Variants in ERO1A observed in about 807,000 individuals in gnomAD.
ERO1A encodes endoplasmic reticulum oxidoreductase 1 alpha.
Under a neutral mutation model 76.9 loss-of-function variants are expected in ERO1A, and 49 were observed. The ratio of observed to expected loss-of-function variants is 0.64; its 90% CI spans 0.51 to 0.81. The LOEUF is 0.81. Ranked by LOEUF, ERO1A falls within the 30% of genes least tolerant of loss-of-function variation. ERO1A has a pLI of 0.00. For synonymous variants in ERO1A, 174 were observed against 181.2 expected, an observed-to-expected ratio of 0.96 and a Z score of 0.32; for missense variants, 448 against 542.1, an observed-to-expected ratio of 0.83 and a Z score of 1.72.
chr14:52,662,278 G>C lies in ERO1A; in HGVS notation c.677-974C>G, dbSNP rs533912552. On this transcript the variant is annotated intron_variant, in intron 8 of 15. Transcript: ENST00000395686. ...ATGATCACCTCTTTTCTATTAATTT[G>C]CATTTCATCTGATATTAAATCAATG... Among the ~76,000 whole-genome samples, 84 of 152,006 alleles carry C rather than the reference G, an allele frequency of 5.5e-4. 1 individual carries two copies. The highest frequency in any genetic ancestry group is 3.4e-3 in the Middle Eastern group (1 of 294).
Position 52,682,906 on chromosome 14 carries a change from G to GA in ERO1A, c.235-499dup, listed in dbSNP as rs1013870540. On this transcript the variant is annotated intron_variant, in intron 2 of 15. Transcript: ENST00000395686. ...AAGAGCAAGACTTTGTCTCAAAAAAGAAAAAAAAGACACAGATTGGGCTGG... is the reference window on the plus strand; with the variant it reads ...AAGAGCAAGACTTTGTCTCAAAAAAGAAAAAAAAAGACACAGATTGGGCTGG... 8.6e-4 allele frequency among the ~76,000 whole-genome samples: 129 copies of GA among 150,090 alleles called. 1 individual carries two copies. Among genetic ancestry groups the GA allele is most frequent in the African/African-American group, 3.0e-3 (124 of 40,794 alleles).
intron 15 of ERO1A, among the ~76,000 whole-genome samples, chr14:52,644,721 AAAGAGT>A (rs1489508509): frequency 3.3e-5 from 5 of 152,270 alleles, no homozygotes; most frequent in East Asian, 1.9e-4. Context: ...ATTGGCCTAT[AAAGAGT>A]AAGAGTATTA....
At position 52,647,395 on chromosome 14, in the gene ERO1A, T is replaced by C. The variant is rs181272891; in HGVS notation, c.1126-934A>G. Among the ~76,000 whole-genome samples, 186 of 151,948 alleles carry C rather than the reference T, an allele frequency of 1.2e-3. 1 individual carries two copies. Among genetic ancestry groups the C allele is most frequent in the African/African-American group, 4.2e-3 (173 of 41,444 alleles). ...TTTGTTAATATTAAATTACTATTAC[T>C]ATTAAAATGCAAAAATATATAAAAT... On this transcript the variant is annotated intron_variant, in intron 13 of 15. Transcript: ENST00000395686.
intron 13 of ERO1A, 81 bp downstream of exon 13, chr14:52,652,158 C>T: frequency 1.1e-6 from 1 of 875,650 alleles, no homozygotes; most frequent in East Asian, 2.5e-5. Flanking sequence ...GGCCTACTCT[C>T]TACTTCTATG....
intron 7 of ERO1A, among the ~76,000 whole-genome samples, chr14:52,665,160 G>A (rs549824831): frequency 8.6e-5 from 13 of 151,872 alleles, no homozygotes; most frequent in African/African-American, 2.9e-4. Flanking sequence ...AAATGAGCCG[G>A]GTGTGGTGGC....
At chr14:52,656,517 C>T (rs1039434814) in intron 11 of ERO1A, among the ~76,000 whole-genome samples, 11 of 152,108 alleles carry the variant, frequency 7.2e-5, no homozygotes, top group African/African-American at 2.7e-4. Flanking sequence ...TCGAGACCAG[C>T]CTGGCCAACA....
At chr14:52,648,651 C>A (rs951471747) in intron 13 of ERO1A, among the ~76,000 whole-genome samples, 1 of 152,102 alleles carries the variant, frequency 6.6e-6, no homozygotes, top group Non-Finnish European at 1.5e-5. Flanking sequence ...TGAGAAGAGG[C>A]CTTGAAAGTT....
At chr14:52,678,681 T>C (rs1166487867) in intron 3 of ERO1A, among the ~76,000 whole-genome samples, 1 of 152,260 alleles carries the variant, frequency 6.6e-6, no homozygotes, top group Admixed American at 6.5e-5. Context: ...ATACATTATG[T>C]ATATTACAGC....
At chr14:52,678,094 C>G (rs1459147615) in intron 4 of ERO1A, among the ~76,000 whole-genome samples, 2 of 151,954 alleles carry the variant, frequency 1.3e-5, no homozygotes, top group East Asian at 3.9e-4. Context: ...GGAGAAAACC[C>G]GTCTCTACTA....
chr14:52,640,194 C>G lies in ERO1A; in HGVS notation c.*3376G>C, dbSNP rs2039425910. The G allele has an allele frequency of 6.6e-6, 1 of 152,152 alleles. No individual in the cohort carries two copies. The highest frequency in any genetic ancestry group is 1.5e-5 in the Non-Finnish European group (1 of 68,038). 9.4% of individuals were successfully genotyped at this position (152,152 alleles called of 1,614,324 possible). A position where few individuals can be genotyped will look rare whatever the true frequency, so the allele number is the denominator to read the frequency against. On this transcript the variant is annotated 3_prime_UTR_variant, in exon 16 of 16. Transcript: ENST00000395686. ...AAGACTTTTGAAAAATAAAACAATACAGTACGATTTAAGTGACATACAATA... is the reference window on the plus strand; with the variant it reads ...AAGACTTTTGAAAAATAAAACAATAGAGTACGATTTAAGTGACATACAATA...
intron 1 of ERO1A, among the ~76,000 whole-genome samples, chr14:52,694,760 G>A (rs1447106182): frequency 1.3e-5 from 2 of 152,142 alleles, no homozygotes; most frequent in Non-Finnish European, 2.9e-5. Context: ...ATTCGTACCA[G>A]CTTAACGGGT....
intron 9 of ERO1A, among the ~76,000 whole-genome samples, chr14:52,660,238 G>C (rs1157766481): frequency 5.3e-5 from 8 of 152,172 alleles, no homozygotes; most frequent in African/African-American, 1.4e-4. Flanking sequence ...ATAACCCTTT[G>C]ATATTTGGCC....
chr14:52,663,369 G>A (rs892163209), intron 8 of ERO1A, among the ~76,000 whole-genome samples: 1 of 152,064 alleles, frequency 6.6e-6, no homozygotes, highest in Non-Finnish European at 1.5e-5. Context: ...GGAGGCCGAG[G>A]CGGGTGGATC....
In ERO1A at chr14:52,646,165, G is replaced by A. The variant is rs575530217; in HGVS notation, c.1335C>T (p.Asn445=). 176 of 1,610,704 alleles carry A rather than the reference G, an allele frequency of 1.1e-4. No homozygotes were observed. The South Asian group carries it at 1.4e-3, about 13-fold the overall frequency. ...ACATTCAAACTAACCTTCCAAATGCGTTGAATAATGATACTATTTCTTGTC... is the reference window on the plus strand; with the variant it reads ...ACATTCAAACTAACCTTCCAAATGCATTGAATAATGATACTATTTCTTGTC... ...LTRQEIVSLF[N]AFGRISTSVK... The change falls in exon 15 of 16, where the codon AAC becomes AAT. Residue 445 remains asparagine, a synonymous_variant. Coordinates refer to ENST00000395686, the MANE Select transcript of ERO1A (RefSeq NM_014584.3).
rs75943691 is a variant in ERO1A, at chr14:52,653,712, C to T, written c.809-397G>A. ...ACACTTTTAGTTACTTTAAAATGTA[C>T]AATTAAGTTGCTATTGATTATAGGG... On this transcript the variant is annotated intron_variant, in intron 11 of 15. Coordinates refer to ENST00000395686, the MANE Select transcript of ERO1A (RefSeq NM_014584.3). 4.2e-3 allele frequency among the ~76,000 whole-genome samples: 645 copies of T among 151,812 alleles called. 10 individuals carry two copies. Among genetic ancestry groups the T allele is most frequent in the Admixed American group, 0.035 (533 of 15,262 alleles).
intron 5 of ERO1A, 34 bp from the exon 6 acceptor site, chr14:52,671,737 TTTAAG>T (rs1286102331): frequency 1.3e-6 from 2 of 1,580,686 alleles, no homozygotes; most frequent in African/African-American, 2.7e-5. Flanking sequence ...CATTATTATT[TTTAAG>T]TTAATATGTA....
intron 7 of ERO1A, among the ~76,000 whole-genome samples, chr14:52,664,359 G>C: frequency 6.6e-6 from 1 of 152,060 alleles, no homozygotes. Context: ...AAAGTTGTTT[G>C]TTCAGTAGGA....
intron 8 of ERO1A, among the ~76,000 whole-genome samples, chr14:52,662,104 C>G (rs2040252031): frequency 6.6e-6 from 1 of 152,066 alleles, no homozygotes. Context: ...TAAAAATTTA[C>G]AGCAATATTT....
chr14:52,658,899 G>T (rs1262171949), intron 9 of ERO1A, among the ~76,000 whole-genome samples: 1 of 152,148 alleles, frequency 6.6e-6, no homozygotes, highest in African/African-American at 2.4e-5. Context: ...ATTCATGTAT[G>T]CATTTGCTAC....
Sources: allele counts gnomAD v4.1 joint callset (sites outside exome capture counted in the v4.1 genomes callset), GRCh38; gene constraint gnomAD v4.1.1; transcripts MANE v1.5; gene names NCBI Gene and HGNC (gene_info 2026-07-23, HGNC 2026-07-21).